The following CXXC4 variants were observed in gnomAD, a reference collection of about 807,000 sequenced individuals.
CXXC4 encodes CXXC finger protein 4, also known as CXXC-type zinc finger protein 4.
Under a neutral mutation model 20.5 loss-of-function variants are expected in CXXC4, and 5 were observed. That is an observed-to-expected ratio of 0.24 (90% CI 0.13 to 0.51). The LOEUF (loss-of-function observed/expected upper bound fraction) is 0.51, where lower values mean the gene tolerates loss of function less well. CXXC4 is among the 20% of genes least tolerant of loss of function. The pLI is 0.97. For synonymous variants in CXXC4, 250 were observed against 216.4 expected (o/e 1.16, Z -1.36); for missense variants, 419 against 496.4 (o/e 0.84, Z 1.48).
In CXXC4 at chr4:104,491,434, G is replaced by A; in HGVS notation, c.369C>T (p.Gly123=). ...CACCACCCCCGCCCCCGCCTCCGCC[G>A]CCGCCGCCGCCGCCGCCACCCCCCC... The part of the protein sequence containing the change: ...GGGGGGGGGG[G]GGGGGGGGGG... The change falls in exon 2 of 3, where the codon GGC becomes GGT. Residue 123 remains glycine, a synonymous_variant. Transcript: ENST00000394767. 2.1e-6 allele frequency: 2 copies of A among 956,860 alleles called. No individual in the cohort carries two copies. The highest frequency in any genetic ancestry group is 9.7e-5 in the East Asian group (2 of 20,516). 59.3% of individuals were successfully genotyped at this position (956,860 alleles called of 1,614,324 possible). A position where few individuals can be genotyped will look rare whatever the true frequency, so the allele number is the denominator to read the frequency against.
At position 104,471,099 on chromosome 4, in the gene CXXC4, G is replaced by A. The variant is rs1736262342; in HGVS notation, c.*1223C>T. ...CTGAAGGACCAGGGGAAGACCACTA[G>A]TCCAACTGGGTGGCTATGAGAAAAG... On this transcript the variant is annotated 3_prime_UTR_variant, in exon 3 of 3. Transcript: ENST00000394767. The A allele has an allele frequency of 6.6e-6, 1 of 151,996 alleles. No homozygotes were observed. Among genetic ancestry groups the A allele is most frequent in the Non-Finnish European group, 1.5e-5 (1 of 67,960 alleles). The allele number at this position is 151,996 out of a possible 1,614,324, so 9.4% of individuals were successfully genotyped here.
chr4:104,482,785 T>C (rs1217015625), intron 2 of CXXC4, among the ~76,000 whole-genome samples: 2 of 152,056 alleles, frequency 1.3e-5, no homozygotes, highest in Non-Finnish European at 2.9e-5. Context: ...GACAGAAATG[T>C]CCAAATTTTT....
intron 2 of CXXC4, among the ~76,000 whole-genome samples, chr4:104,482,518 C>A (rs1736581539): frequency 6.6e-6 from 1 of 152,010 alleles, no homozygotes. Flanking sequence ...ATCCTTTTTT[C>A]TTATCTTCAC....
intron 1 of CXXC4, 56 bp downstream of exon 1, chr4:104,494,645 G>A (rs1736991845): frequency 9.6e-6 from 1 of 103,806 alleles, no homozygotes. Flanking sequence ...TTTAATACTT[G>A]TAAACAAACT....
chr4:104,474,449 GC>G (rs1260242829), intron 2 of CXXC4, among the ~76,000 whole-genome samples: 1 of 151,916 alleles, frequency 6.6e-6, no homozygotes, highest in Non-Finnish European at 1.5e-5. Context: ...TAATATTCAT[GC>G]TTTATACACA....
intron 2 of CXXC4, among the ~76,000 whole-genome samples, chr4:104,480,538 G>A (rs934325103): frequency 1.3e-5 from 2 of 151,718 alleles, no homozygotes; most frequent in Non-Finnish European, 2.9e-5. Context: ...GCAGACTTAA[G>A]AATTACTTTT....
intron 2 of CXXC4, among the ~76,000 whole-genome samples, chr4:104,475,840 G>C (rs1257401980): frequency 1.3e-5 from 2 of 152,074 alleles, no homozygotes; most frequent in Non-Finnish European, 2.9e-5. Context: ...GAAGAGAAGG[G>C]GGTGGGGAGG....
intron 2 of CXXC4, among the ~76,000 whole-genome samples, chr4:104,472,868 T>C (rs1285194325): frequency 1.3e-5 from 2 of 151,990 alleles, no homozygotes; most frequent in Admixed American, 6.6e-5. Context: ...ATATTTATTT[T>C]GTATTTTTGT....
In CXXC4 at chr4:104,471,717, T is replaced by C. The variant is rs1407910603; in HGVS notation, c.*605A>G. ...TCTTTTAGTCTTGTAAAACTTGGCA[T>C]CAAGTCTCTATGGAAAGATGCATGG... On this transcript the variant is annotated 3_prime_UTR_variant, in exon 3 of 3. Coordinates refer to ENST00000394767, the MANE Select transcript of CXXC4 (RefSeq NM_025212.4). The C allele has an allele frequency of 6.6e-6, 1 of 152,084 alleles. No homozygotes were observed. The highest frequency in any genetic ancestry group is 1.5e-5 in the Non-Finnish European group (1 of 67,992). The allele number at this position is 152,084 out of a possible 1,614,324, so 9.4% of individuals were successfully genotyped here. A position where few individuals can be genotyped will look rare whatever the true frequency, so the allele number is the denominator to read the frequency against.
At chr4:104,485,748 T>C (rs558999361) in intron 2 of CXXC4, among the ~76,000 whole-genome samples, 1 of 152,250 alleles carries the variant, frequency 6.6e-6, no homozygotes, top group South Asian at 2.1e-4. Context: ...GGAGCAAATA[T>C]GGATCAAATG....
At position 104,491,428 on chromosome 4, in the gene CXXC4, T is replaced by TCCG. The variant is rs924648643; in HGVS notation, c.372_374dup (p.Gly134dup). The TCCG allele has an allele frequency of 2.9e-4, 237 of 823,392 alleles. No individual in the cohort carries two copies. Among genetic ancestry groups the TCCG allele is most frequent in the African/African-American group, 8.9e-4 (42 of 46,992 alleles). 51.0% of individuals were successfully genotyped at this position (823,392 alleles called of 1,614,324 possible). Reference sequence around the variant, plus strand: ...CGCCCCCACCACCCCCGCCCCCGCCTCCGCCGCCGCCGCCGCCGCCGCCAC... The same window carrying TCCG: ...CGCCCCCACCACCCCCGCCCCCGCCTCCGCCGCCGCCGCCGCCGCCGCCGCCAC... On this transcript the variant is annotated inframe_insertion, in exon 2 of 3. Transcript: ENST00000394767.
At position 104,491,427 on chromosome 4, in the gene CXXC4, CT is replaced by C; in HGVS notation, c.375del (p.Gly126AlafsTer89). On this transcript the variant is annotated frameshift_variant, in exon 2 of 3. Coordinates refer to ENST00000394767, the MANE Select transcript of CXXC4 (RefSeq NM_025212.4). LOFTEE classifies it high-confidence loss of function. Reference sequence around the variant, plus strand: ...CCGCCCCCACCACCCCCGCCCCCGCCTCCGCCGCCGCCGCCGCCGCCGCCAC... The same window carrying C: ...CCGCCCCCACCACCCCCGCCCCCGCCCCGCCGCCGCCGCCGCCGCCGCCAC... ...GGGGGGGGGG[G>X]GGGGGGGGGR... 9.9e-7 allele frequency: 1 copy of C among 1,012,464 alleles called. No individual in the cohort carries two copies. Among genetic ancestry groups the C allele is most frequent in the Non-Finnish European group, 1.2e-6 (1 of 805,784 alleles). 62.7% of individuals were successfully genotyped at this position (1,012,464 alleles called of 1,614,324 possible).
chr4:104,480,190 G>A (rs1314292290), intron 2 of CXXC4, among the ~76,000 whole-genome samples: 1 of 151,988 alleles, frequency 6.6e-6, no homozygotes, highest in Non-Finnish European at 1.5e-5. Context: ...AGTATCATGT[G>A]CTCCATCCAG....
rs141425273 is a variant in CXXC4, at chr4:104,468,442, T to C, written c.*3880A>G. The C allele has an allele frequency of 6.6e-6, 1 of 151,464 alleles. No individual in the cohort carries two copies. The highest frequency in any genetic ancestry group is 1.9e-4 in the East Asian group (1 of 5,172). 9.4% of individuals were successfully genotyped at this position (151,464 alleles called of 1,614,324 possible). Reference sequence around the variant, plus strand: ...GTACATGCCCCATAAGTAATTTTCTTTAATAAATACACTGTTTTCCAAAAC... The same window carrying C: ...GTACATGCCCCATAAGTAATTTTCTCTAATAAATACACTGTTTTCCAAAAC... On this transcript the variant is annotated 3_prime_UTR_variant, in exon 3 of 3. Transcript: ENST00000394767.
intron 2 of CXXC4, among the ~76,000 whole-genome samples, chr4:104,485,775 G>T (rs1174551656): frequency 6.6e-6 from 1 of 152,002 alleles, no homozygotes; most frequent in Non-Finnish European, 1.5e-5. Context: ...CTTTTTGCAT[G>T]CCTTTCAATT....
At position 104,469,447 on chromosome 4, in the gene CXXC4, G is replaced by A. The variant is rs1736206726; in HGVS notation, c.*2875C>T. ...ATCTGATATATAATTATTAAGTTGT[G>A]TATAGCTGTCCACACAATCTACATT... On this transcript the variant is annotated 3_prime_UTR_variant, in exon 3 of 3. Transcript: ENST00000394767. 1 of 152,068 alleles carries A rather than the reference G, an allele frequency of 6.6e-6. No homozygotes were observed. Among genetic ancestry groups the A allele is most frequent in the Admixed American group, 6.6e-5 (1 of 15,234 alleles). 9.4% of individuals were successfully genotyped at this position (152,068 alleles called of 1,614,324 possible). A position where few individuals can be genotyped will look rare whatever the true frequency, so the allele number is the denominator to read the frequency against.
chr4:104,472,300 GA>G lies in CXXC4; in HGVS notation c.*21del. ...TTTGCCCTTCATTTCCAAATGCCTTGAAAATAAGATATACTACTGCTTTAAA... is the reference window on the plus strand; with the variant it reads ...TTTGCCCTTCATTTCCAAATGCCTTGAAATAAGATATACTACTGCTTTAAA... On this transcript the variant is annotated 3_prime_UTR_variant, in exon 3 of 3. Coordinates refer to ENST00000394767, the MANE Select transcript of CXXC4 (RefSeq NM_025212.4). The G allele has an allele frequency of 6.4e-7, 1 of 1,554,766 alleles. No homozygotes were observed. Among genetic ancestry groups the G allele is most frequent in the Non-Finnish European group, 8.8e-7 (1 of 1,140,580 alleles).
intron 2 of CXXC4, among the ~76,000 whole-genome samples, chr4:104,481,294 C>A (rs1210193979): frequency 2.0e-5 from 3 of 152,240 alleles, no homozygotes; most frequent in Non-Finnish European, 1.5e-5. Context: ...CTGTAGGAGG[C>A]TGGGGTGGGC....
chr4:104,484,011 G>T (rs1736621134), intron 2 of CXXC4, among the ~76,000 whole-genome samples: 2 of 151,814 alleles, frequency 1.3e-5, no homozygotes, highest in Non-Finnish European at 2.9e-5. Flanking sequence ...TCATATCTTT[G>T]CCAACTGGGT....
Sources: gnomAD v4.1 joint callset for allele counts (sites outside exome capture counted in the v4.1 genomes callset) on GRCh38, gnomAD v4.1.1 for gene constraint, MANE v1.5 for transcripts, NCBI Gene and HGNC (gene_info 2026-07-23, HGNC 2026-07-21) for gene names.